DNAH1: variants seen among roughly 807,000 people sequenced by gnomAD.
The protein encoded by DNAH1 is axonemal beta dynein heavy chain 1.
A neutral mutation model predicts 484.3 loss-of-function variants in DNAH1; 327 were observed. The ratio of observed to expected loss-of-function variants is 0.68; its 90% CI spans 0.62 to 0.74. The LOEUF (loss-of-function observed/expected upper bound fraction) is 0.74, where lower values mean the gene tolerates loss of function less well. Among genes scored for constraint, DNAH1 ranks in the 30% least tolerant of loss-of-function variants. The pLI, the probability that DNAH1 is intolerant of heterozygous loss-of-function variation, is 0.00. For missense variants in DNAH1, 5,052 were observed against 5,546.8 expected, an observed-to-expected ratio of 0.91 and a Z score of 2.83; for synonymous variants, 2,192 against 2,191.9, an observed-to-expected ratio of 1.00 and a Z score of 0.00.
Position 52,385,462 on chromosome 3 carries a change from G to A in DNAH1, c.8625+15G>A, listed in dbSNP as rs1314688218. 5.8e-6 allele frequency: 9 copies of A among 1,549,092 alleles called. No homozygotes were observed. The East Asian group carries it at 7.3e-5, about 13-fold the overall frequency. On this transcript the variant is annotated intron_variant, in intron 54 of 77. Transcript: ENST00000420323. ...AGCAGATCAAGGTTGGGGTGCTCCC[G>A]AGCCCCTCCCCAATGCCTGACTCTG... is the stretch of plus-strand genomic sequence containing the variant.
intron 52 of DNAH1, among the ~76,000 whole-genome samples, chr3:52,384,561 T>A (rs972844548): frequency 6.6e-6 from 1 of 152,212 alleles, no homozygotes; most frequent in Non-Finnish European, 1.5e-5. Context: ...TTGACAGCTA[T>A]GTGAACTTGA....
In DNAH1 at chr3:52,386,168, G is replaced by C. The variant is rs377070738; in HGVS notation, c.8634G>C (p.Thr2878=). 6.2e-7 allele frequency: 1 copy of C among 1,612,624 alleles called. No individual in the cohort carries two copies. Among genetic ancestry groups the C allele is most frequent in the Non-Finnish European group, 8.5e-7 (1 of 1,179,136 alleles). Residue 2878 remains threonine, a synonymous_variant, in exon 55 of 78, where the codon ACG becomes ACC. Transcript: ENST00000420323. ...ATGTCTCCCATCCCCAGGTGGATAC[G>C]GCCATCGCCGAGGAGACCCGGAATT... ...MLTMEQIKVD[T]AIAEETRNSV...
At chr3:52,356,574 C>G in intron 21 of DNAH1, 40 bp from the exon 22 acceptor site, 1 of 1,603,840 alleles carries the variant, frequency 6.2e-7, no homozygotes, top group Non-Finnish European at 8.5e-7. Flanking sequence ...TGGACCCTGA[C>G]AGTCCATATC....
chr3:52,381,723 C>T lies in DNAH1; in HGVS notation c.7692C>T (p.Ala2564=), dbSNP rs1018795831. 2 of 1,606,140 alleles carry T rather than the reference C, an allele frequency of 1.2e-6. No individual in the cohort carries two copies. The highest frequency in any genetic ancestry group is 8.5e-7 in the Non-Finnish European group (1 of 1,177,094). Residue 2564 remains alanine (A), a synonymous_variant, in exon 49 of 78, where the codon GCC becomes GCT. Transcript: ENST00000420323. The surrounding 1 kb of genome is among the most constrained non-coding windows in gnomAD (Gnocchi z 4.1). ...TGAAGCTGGTCCTCTTCATGGACGC[C>T]ATGAGCCACATCTGTCGCATCAGCC... The part of the protein sequence containing the change: ...AKLKLVLFMD[A]MSHICRISRT...
chr3:52,371,658 A>G (rs1387397542), intron 41 of DNAH1, among the ~76,000 whole-genome samples: 1 of 152,226 alleles, frequency 6.6e-6, no homozygotes, highest in African/African-American at 2.4e-5. Context: ...GCAGAGACTC[A>G]GGGCCTGGCA....
rs1285386552 is a variant in DNAH1 at position 52,399,620 on chromosome 3, G to C, written c.12517G>C (p.Gly4173Arg). 1.9e-6 allele frequency: 3 copies of C among 1,613,902 alleles called. No individual in the cohort carries two copies. Among genetic ancestry groups the C allele is most frequent in the Non-Finnish European group, 2.5e-6 (3 of 1,179,900 alleles). ...GCYIHGLFLE[G>R]ARWDPEAFQL... ...CTATATCCATGGATTATTCCTGGAA[G>C]GTGCCCGCTGGGATCCAGAGGCCTT... The change falls in exon 77 of 78, where the codon GGT (glycine) becomes CGT (arginine). Residue 4173 changes from glycine to arginine, a missense_variant. Coordinates refer to ENST00000420323, the MANE Select transcript of DNAH1 (RefSeq NM_015512.5).
At chr3:52,366,420 A>G (rs1488082632) in intron 34 of DNAH1, 37 bp from the exon 35 acceptor site, 1 of 1,545,660 alleles carries the variant, frequency 6.5e-7, no homozygotes, top group Admixed American at 1.9e-5. Context: ...ACCCAAGCCC[A>G]TGCTCTGACC....
chr3:52,321,042 C>T (rs1384804821), intron 1 of DNAH1, among the ~76,000 whole-genome samples: 2 of 151,956 alleles, frequency 1.3e-5, no homozygotes, highest in Non-Finnish European at 2.9e-5. Flanking sequence ...TCAAGTGATC[C>T]ACCCACGTCA....
chr3:52,379,066 G>T lies in DNAH1; in HGVS notation c.7377+286G>T, dbSNP rs1703726945. Among the ~76,000 whole-genome samples, 1 of 152,216 alleles carries T rather than the reference G, an allele frequency of 6.6e-6. No individual in the cohort carries two copies. The highest frequency in any genetic ancestry group is 2.4e-5 in the African/African-American group (1 of 41,466). ...GGGCCCTGCATGTGAGAACGCTTGA[G>T]GGACAGTGAGCAGGGTGCCCTCTGG... On this transcript the variant is annotated intron_variant, in intron 47 of 77. Transcript: ENST00000420323. The surrounding 1 kb of genome is among the most constrained non-coding windows in gnomAD (Gnocchi z 4.4).
intron 8 of DNAH1, among the ~76,000 whole-genome samples, chr3:52,335,151 A>ATTTT (rs35061562): frequency 2.5e-5 from 2 of 80,086 alleles, no homozygotes; most frequent in African/African-American, 5.2e-5. Flanking sequence ...GCAATGTGTG[A>ATTTT]TTTTTTTTTT....
chr3:52,368,709 T>C lies in DNAH1; in HGVS notation c.5766-32T>C, dbSNP rs752831786. 5 of 1,596,490 alleles carry C rather than the reference T, an allele frequency of 3.1e-6. No individual in the cohort carries two copies. The highest frequency in any genetic ancestry group is 1.7e-5 in the Admixed American group (1 of 59,644). ...TGTGCTCGAAGCACCGCCTCCCTGA[T>C]GTTTCCAGCCCTCTCCTCCCTGGCG... On this transcript the variant is annotated intron_variant, in intron 36 of 77. Transcript: ENST00000420323. The surrounding 1 kb of genome is among the most constrained non-coding windows in gnomAD (Gnocchi z 4.4).
chr3:52,364,541 G>A lies in DNAH1; in HGVS notation c.5245-97G>A. 7.3e-7 allele frequency: 1 copy of A among 1,372,226 alleles called. No homozygotes were observed. The highest frequency in any genetic ancestry group is 1.0e-6 in the Non-Finnish European group (1 of 963,500). The allele number at this position is 1,372,226 out of a possible 1,614,324, so 85.0% of individuals were successfully genotyped here. A position where few individuals can be genotyped will look rare whatever the true frequency, so the allele number is the denominator to read the frequency against. On this transcript the variant is annotated intron_variant, in intron 32 of 77. Coordinates refer to ENST00000420323, the MANE Select transcript of DNAH1 (RefSeq NM_015512.5). The surrounding 1 kb of genome is among the most constrained non-coding windows in gnomAD (Gnocchi z 4.2). ...AAGGGAAGTGCTATGAGCTGGTGAT[G>A]AGACTTGGCCAACTGCCAGGTGGGA...
chr3:52,382,500 C>T (rs199931003), intron 50 of DNAH1, 45 bp downstream of exon 50: 2 of 1,607,882 alleles, frequency 1.2e-6, no homozygotes, highest in South Asian at 2.2e-5. Context: ...GGGCTGGACA[C>T]AACCCCATCT....
At chr3:52,315,911 C>G (rs2153222171), upstream of DNAH1, among the ~76,000 whole-genome samples, 1 of 152,338 alleles carries the variant, frequency 6.6e-6, no homozygotes, top group Admixed American at 6.5e-5. Flanking sequence ...GCAGTCATAT[C>G]CACAGCCCGC....
At chr3:52,359,209 G>C (rs1162401639) in intron 25 of DNAH1, 37 bp from the exon 26 acceptor site, 9 of 1,551,704 alleles carry the variant, frequency 5.8e-6, no homozygotes, top group Non-Finnish European at 7.0e-6. Flanking sequence ...TTGGGGCTGC[G>C]GCTGTCCAGG....
In DNAH1 at chr3:52,326,950, G is replaced by T. The variant is rs1419199362; in HGVS notation, c.738+59G>T. The T allele has an allele frequency of 2.6e-6, 4 of 1,552,384 alleles. No individual in the cohort carries two copies. The Admixed American group carries it at 7.6e-5, about 29-fold the overall frequency. ...GGGGCAGAAGTGCAGGACCCCAGTG[G>T]ACGCTCAGGAGTCAGATCTGAAAGG... On this transcript the variant is annotated intron_variant, in intron 5 of 77. Coordinates refer to ENST00000420323, the MANE Select transcript of DNAH1 (RefSeq NM_015512.5).
At chr3:52,350,714 T>A in intron 16 of DNAH1, 124 bp downstream of exon 16, 1 of 937,144 alleles carries the variant, frequency 1.1e-6, no homozygotes, top group Non-Finnish European at 1.7e-6. Context: ...AACACCCCAC[T>A]GAGATTTCAG....
At chr3:52,349,862 C>G in intron 14 of DNAH1, 127 bp from the exon 15 acceptor site, 1 of 1,374,982 alleles carries the variant, frequency 7.3e-7, no homozygotes, top group Non-Finnish European at 9.8e-7. Flanking sequence ...TTGGAAAGCG[C>G]CGCAGGATGT....
intron 8 of DNAH1, among the ~76,000 whole-genome samples, chr3:52,334,447 A>G (rs536944212): frequency 6.6e-6 from 1 of 152,318 alleles, no homozygotes; most frequent in South Asian, 2.1e-4. Flanking sequence ...CACTTAGGCT[A>G]CACTAAATTT....
Sources: allele counts gnomAD v4.1 joint callset (sites outside exome capture counted in the v4.1 genomes callset), GRCh38; gene constraint gnomAD v4.1.1; non-coding constraint Gnocchi (gnomAD v3.1); transcripts MANE v1.5; gene names NCBI Gene and HGNC (gene_info 2026-07-23, HGNC 2026-07-21).